The following CEP89 variants were observed in gnomAD, a reference collection of about 807,000 sequenced individuals.
CEP89 encodes centrosomal protein 89, also known as centrosomal protein of 89 kDa.
In CEP89, 95 loss-of-function variants were observed where a neutral mutation model predicts 97.6. The observed-to-expected ratio is 0.97, with a 90% CI of 0.82 to 1.15. The LOEUF (loss-of-function observed/expected upper bound fraction) is 1.15. Ranked by LOEUF, CEP89 falls within the 50% of genes most tolerant of loss-of-function variation. The probability of loss-of-function intolerance (pLI) is 0.00; values close to 1 mark genes in which losing one functional copy is unlikely to be tolerated. For missense variants in CEP89, 869 were observed against 947.7 expected, an observed-to-expected ratio of 0.92 and a Z score of 1.09; for synonymous variants, 354 against 349.1, an observed-to-expected ratio of 1.01 and a Z score of -0.16.
intron 14 of CEP89, among the ~76,000 whole-genome samples, chr19:32,902,472 A>G (rs927407161): frequency 6.6e-6 from 1 of 152,208 alleles, no homozygotes; most frequent in African/African-American, 2.4e-5. Context: ...AAATACCAAG[A>G]CTTCTGCTTT....
At chr19:32,913,314 TTG>T (rs1568556778) in intron 14 of CEP89, among the ~76,000 whole-genome samples, 54 of 1,764 alleles carry the variant, frequency 0.031, no homozygotes, top group Non-Finnish European at 0.057. Flanking sequence ...TATTTTTTTG[TTG>T]TTGTTGTTGT....
intron 1 of CEP89, chr19:32,969,165 G>A (rs1191234228): frequency 6.6e-6 from 1 of 152,236 alleles, no homozygotes; most frequent in Admixed American, 6.5e-5. Context: ...CCTCTCTGTA[G>A]CTGGTCACCC....
At chr19:32,971,765 C>G (rs747278441) in intron 1 of CEP89, 71 bp downstream of exon 1, 1 of 1,504,666 alleles carries the variant, frequency 6.6e-7, no homozygotes. Context: ...AAACCCCAAC[C>G]CGCCCCAACA....
chr19:32,971,658 T>TAAAAA (rs34358164), intron 1 of CEP89, 178 bp downstream of exon 1: 12 of 590,670 alleles, frequency 2.0e-5, no homozygotes, highest in Middle Eastern at 2.8e-4. Flanking sequence ...CCCTGTTTCT[T>TAAAAA]AAAAAAAAAA....
At chr19:32,949,153 C>T (rs1970859339) in intron 4 of CEP89, among the ~76,000 whole-genome samples, 1 of 152,224 alleles carries the variant, frequency 6.6e-6, no homozygotes, top group South Asian at 2.1e-4. Flanking sequence ...GGACTCCCCT[C>T]TACTGACTGA....
At chr19:32,904,689 T>C (rs1457780121) in intron 14 of CEP89, among the ~76,000 whole-genome samples, 9 of 151,840 alleles carry the variant, frequency 5.9e-5, no homozygotes, top group Non-Finnish European at 1.2e-4. Context: ...CCTCCCAGGT[T>C]CAAGCGGTTC....
chr19:32,901,314 T>C lies in CEP89; in HGVS notation c.1664A>G (p.Glu555Gly), dbSNP rs1408332765. The C allele has an allele frequency of 1.2e-6, 2 of 1,614,102 alleles. No homozygotes were observed. The highest frequency in any genetic ancestry group is 1.6e-4 in the Middle Eastern group (1 of 6,084). The change falls in exon 15 of 19, where the codon GAG (glutamate) becomes GGG (glycine). Residue 555 changes from glutamate (E) to glycine (G), a missense_variant. By Grantham distance (98) the Glu-to-Gly change is moderately conservative. Transcript: ENST00000305768. ...LQAQKKSLLL[E>G]KNSLTEQNKA... ...GTTTTGCTCTGTCAAACTGTTCTTC[T>C]CTAACAGCAGGCTCTTCTTCTGCGC...
At chr19:32,918,986 A>G (rs902279745) in intron 12 of CEP89, among the ~76,000 whole-genome samples, 2 of 147,934 alleles carry the variant, frequency 1.4e-5, no homozygotes, top group Non-Finnish European at 3.0e-5. Flanking sequence ...CCGGGTTCAC[A>G]TCATTCTCCT....
Position 32,953,733 on chromosome 19 carries a change from T to TCCC in CEP89, c.371_373dup (p.Gly124dup). On this transcript the variant is annotated inframe_insertion, in exon 4 of 19. Transcript: ENST00000305768. ...CAGCTGAGTTTCAATGTCCTCTTCG[T>TCCC]CCCCATAGTCCAGTGTTTCAAAGGA... 1 of 1,614,044 alleles carries TCCC rather than the reference T, an allele frequency of 6.2e-7. No homozygotes were observed. Among genetic ancestry groups the TCCC allele is most frequent in the Non-Finnish European group, 8.5e-7 (1 of 1,179,958 alleles).
chr19:32,943,514 C>G (rs1451545530), intron 5 of CEP89, among the ~76,000 whole-genome samples: 1 of 152,018 alleles, frequency 6.6e-6, no homozygotes, highest in African/African-American at 2.4e-5. Context: ...AATCCCAACA[C>G]TGCGGGAAGC....
At chr19:32,967,236 T>A (rs567576914) in intron 1 of CEP89, among the ~76,000 whole-genome samples, 5 of 152,132 alleles carry the variant, frequency 3.3e-5, no homozygotes, top group Admixed American at 6.6e-5. Flanking sequence ...ACGAGAGTAA[T>A]GAAAACTAGC....
intron 3 of CEP89, among the ~76,000 whole-genome samples, chr19:32,957,271 T>C (rs1971068131): frequency 6.6e-6 from 1 of 152,222 alleles, no homozygotes; most frequent in Admixed American, 6.5e-5. Flanking sequence ...GGTTGCTTTT[T>C]AGTCTCTTGT....
chr19:32,926,146 T>C (rs1377846854), intron 11 of CEP89, 44 bp downstream of exon 11: 1 of 1,401,846 alleles, frequency 7.1e-7, no homozygotes, highest in African/African-American at 1.4e-5. Flanking sequence ...AGCGGTCCTA[T>C]ATTTTTATAA....
chr19:32,971,940 C>A lies in CEP89; in HGVS notation c.-66G>T, dbSNP rs1971424831. On this transcript the variant is annotated 5_prime_UTR_variant, in exon 1 of 19. Transcript: ENST00000305768. ...CAGCAGATCTATCCACAGCCAGGGA[C>A]CACTCCCTAAAGCCCGCCGCAGGCC... 6.5e-7 allele frequency: 1 copy of A among 1,533,920 alleles called. No homozygotes were observed.
At chr19:32,944,093 G>T (rs1285337684) in intron 5 of CEP89, among the ~76,000 whole-genome samples, 1 of 151,952 alleles carries the variant, frequency 6.6e-6, no homozygotes, top group Admixed American at 6.6e-5. Context: ...CAGGCATGAT[G>T]ATGCACACCT....
chr19:32,882,233 A>C (rs1969299405), intron 17 of CEP89, among the ~76,000 whole-genome samples: 1 of 152,222 alleles, frequency 6.6e-6, no homozygotes, highest in Non-Finnish European at 1.5e-5. Flanking sequence ...ATGTATATAA[A>C]GCCTAGTTCT....
chr19:32,922,441 G>T (rs550647893), intron 12 of CEP89, among the ~76,000 whole-genome samples: 138 of 152,296 alleles, frequency 9.1e-4, no homozygotes, highest in Admixed American at 2.5e-3. Context: ...TACTTGGGAG[G>T]CTGAGGTGGG....
intron 3 of CEP89, among the ~76,000 whole-genome samples, chr19:32,958,726 G>A (rs1328199837): frequency 6.6e-6 from 1 of 151,552 alleles, no homozygotes. Flanking sequence ...CAATTAAAAA[G>A]GCAAATGTGG....
chr19:32,910,375 G>A (rs1356932895), intron 14 of CEP89, among the ~76,000 whole-genome samples: 1 of 152,114 alleles, frequency 6.6e-6, no homozygotes, highest in East Asian at 1.9e-4. Context: ...AATAGAGCTT[G>A]CAGGACTGGA....
Sources: gnomAD v4.1 joint callset for allele counts (sites outside exome capture counted in the v4.1 genomes callset) on GRCh38, gnomAD v4.1.1 for gene constraint, MANE v1.5 for transcripts, NCBI Gene and HGNC (gene_info 2026-07-23, HGNC 2026-07-21) for gene names.